Variants in ZNF536 observed in about 807,000 individuals in gnomAD.
ZNF536 encodes the protein zinc finger protein 536.
ZNF536 carries 13 observed loss-of-function variants against 84.5 expected under a neutral mutation model. The ratio of observed to expected loss-of-function variants is 0.15; its 90% confidence interval spans 0.10 to 0.24. The LOEUF (loss-of-function observed/expected upper bound fraction) is 0.24, where lower values mean the gene tolerates loss of function less well. Ranked by LOEUF, ZNF536 falls within the 10% of genes least tolerant of loss-of-function variation. ZNF536 has a pLI of 1.00. For synonymous variants in ZNF536, 811 were observed against 742.5 expected (o/e 1.09, Z -1.50); for missense variants, 1,536 against 1,747.5 (o/e 0.88, Z 2.16).
intron 1 of ZNF536, among the ~76,000 whole-genome samples, chr19:30,642,472 G>A (rs960250257): frequency 6.6e-6 from 1 of 152,148 alleles, no homozygotes; most frequent in African/African-American, 2.4e-5. Flanking sequence ...TCACTGCCAG[G>A]ACCCGCAAGT....
downstream of ZNF536, among the ~76,000 whole-genome samples, chr19:30,559,952 C>G (rs1169330683): frequency 6.6e-6 from 1 of 152,092 alleles, no homozygotes; most frequent in Non-Finnish European, 1.5e-5. Flanking sequence ...TTTGTGGATT[C>G]TCATTCTCCT....
At chr19:30,546,675 A>G (rs1489547465) in intron 3 of ZNF536, among the ~76,000 whole-genome samples, 2 of 152,230 alleles carry the variant, frequency 1.3e-5, no homozygotes, top group African/African-American at 2.4e-5. Flanking sequence ...TTTTTAGATC[A>G]GTCTATTTTA....
At chr19:30,394,971 T>G (rs2049753792) in intron 1 of ZNF536, among the ~76,000 whole-genome samples, 3 of 152,196 alleles carry the variant, frequency 2.0e-5, no homozygotes. Context: ...CTGCTTCCCC[T>G]TTCAGCTTGT....
At chr19:30,598,937 C>G (rs1156576509) in intron 1 of ZNF536, among the ~76,000 whole-genome samples, 1 of 50,864 alleles carries the variant, frequency 2.0e-5, no homozygotes, top group African/African-American at 4.4e-5. Context: ...TTCTCCCTCC[C>G]TCCCTCCCTT....
chr19:30,260,571 G>C (rs559141199), intron 1 of ZNF536, among the ~76,000 whole-genome samples: 1 of 152,368 alleles, frequency 6.6e-6, no homozygotes, highest in East Asian at 1.9e-4. Flanking sequence ...TTTCTTGGCA[G>C]TGAGAGAGAC....
At chr19:30,316,629 G>T (rs1010280786) in intron 2 of ZNF536, among the ~76,000 whole-genome samples, 5 of 152,170 alleles carry the variant, frequency 3.3e-5, no homozygotes, top group Non-Finnish European at 7.4e-5. Flanking sequence ...CAAAGACGAG[G>T]TACCAGGCAG....
At chr19:30,296,017 G>A (rs1336383984) in intron 2 of ZNF536, 3 of 152,278 alleles carry the variant, frequency 2.0e-5, no homozygotes, top group Non-Finnish European at 4.4e-5. Flanking sequence ...GTTAGCTTGC[G>A]GGGAAATCCA....
intron 1 of ZNF536, among the ~76,000 whole-genome samples, chr19:30,233,833 A>G (rs2023264850): frequency 6.6e-6 from 1 of 152,110 alleles, no homozygotes; most frequent in Non-Finnish European, 1.5e-5. Flanking sequence ...TAGCTCATCT[A>G]CTGCTGCAAA....
chr19:30,654,837 C>A (rs1303457456), intron 1 of ZNF536, among the ~76,000 whole-genome samples: 2 of 151,728 alleles, frequency 1.3e-5, no homozygotes, highest in African/African-American at 4.8e-5. Flanking sequence ...CCACCCCCCA[C>A]ACACCCCCCC....
chr19:30,353,689 T>C (rs1297633529), intron 3 of ZNF536, among the ~76,000 whole-genome samples: 1 of 152,166 alleles, frequency 6.6e-6, no homozygotes, highest in East Asian at 1.9e-4. Context: ...AGCTGTTTGG[T>C]TGGGAAAACA....
chr19:30,644,137 C>T (rs1417641969), intron 1 of ZNF536, among the ~76,000 whole-genome samples: 1 of 152,184 alleles, frequency 6.6e-6, no homozygotes, highest in Non-Finnish European at 1.5e-5. Context: ...TTGTCCACTT[C>T]AGTTGTCCCT....
At chr19:30,335,813 C>T (rs2047364561) in intron 2 of ZNF536, among the ~76,000 whole-genome samples, 1 of 152,192 alleles carries the variant, frequency 6.6e-6, no homozygotes, top group Admixed American at 6.5e-5. Flanking sequence ...ACTGGGTCCC[C>T]TTCAGCTGCT....
chr19:30,254,523 A>ATTTTT (rs35779261), intron 1 of ZNF536, among the ~76,000 whole-genome samples: 3 of 119,808 alleles, frequency 2.5e-5, no homozygotes, highest in Non-Finnish European at 5.4e-5. Context: ...AGAACCTTTG[A>ATTTTT]TTTTTTTTTT....
At chr19:30,301,777 G>A (rs1327626725) in intron 2 of ZNF536, among the ~76,000 whole-genome samples, 1 of 151,988 alleles carries the variant, frequency 6.6e-6, no homozygotes, top group East Asian at 1.9e-4. Context: ...ATATTAAAGA[G>A]CTTGGCCAAA....
At chr19:30,386,751 A>G (rs1407544515) in intron 1 of ZNF536, among the ~76,000 whole-genome samples, 1 of 152,232 alleles carries the variant, frequency 6.6e-6, no homozygotes, top group Non-Finnish European at 1.5e-5. Context: ...TCCCTAGGGC[A>G]GGGCCTGGCG....
intron 1 of ZNF536, among the ~76,000 whole-genome samples, chr19:30,275,851 G>A (rs1051129617): frequency 6.6e-6 from 1 of 151,930 alleles, no homozygotes; most frequent in Non-Finnish European, 1.5e-5. Flanking sequence ...GTGTGTGTGT[G>A]TGTGTGTGTA....
At chr19:30,707,997 TGA>T (rs2052310495) in intron 1 of ZNF536, among the ~76,000 whole-genome samples, 2 of 132,778 alleles carry the variant, frequency 1.5e-5, no homozygotes, top group Non-Finnish European at 1.6e-5. Context: ...GGTAACAGAG[TGA>T]GACTCCATCA....
chr19:30,565,373 A>G (rs1695516184), intron 1 of ZNF536, among the ~76,000 whole-genome samples: 3 of 152,062 alleles, frequency 2.0e-5, no homozygotes, highest in Non-Finnish European at 2.9e-5. Flanking sequence ...TTGGCCTGCT[A>G]CCGGACTTGT....
intron 2 of ZNF536, among the ~76,000 whole-genome samples, chr19:30,339,969 A>G (rs887676770): frequency 5.3e-5 from 8 of 152,172 alleles, no homozygotes; most frequent in Non-Finnish European, 7.4e-5. Context: ...CTCCTCAAGG[A>G]GGACCAGTGG....
Sources: allele counts gnomAD v4.1 joint callset (sites outside exome capture counted in the v4.1 genomes callset), GRCh38; gene constraint gnomAD v4.1.1; transcripts MANE v1.5; gene names NCBI Gene and HGNC (gene_info 2026-07-23, HGNC 2026-07-21).